The following PLCB4 variants were observed in gnomAD, a reference collection of about 807,000 sequenced individuals.
The protein encoded by PLCB4 is 1-phosphatidylinositol 4,5-bisphosphate phosphodiesterase beta-4.
In PLCB4, 77 loss-of-function variants were observed where a neutral mutation model predicts 178.8. The observed-to-expected ratio is 0.43, with a 90% confidence interval of 0.36 to 0.52. The LOEUF is 0.52. Among genes scored for constraint, PLCB4 ranks in the 20% least tolerant of loss-of-function variants. PLCB4 has a pLI of 0.00. For missense variants in PLCB4, 1,024 were observed against 1,453.4 expected, an observed-to-expected ratio of 0.70 and a Z score of 4.80; for synonymous variants, 496 against 490.8, an observed-to-expected ratio of 1.01 and a Z score of -0.14.
chr20:9,182,653 C>G (rs1759189998), intron 2 of PLCB4, among the ~76,000 whole-genome samples: 1 of 152,178 alleles, frequency 6.6e-6, no homozygotes, highest in African/African-American at 2.4e-5. Flanking sequence ...CCTGTTGTCT[C>G]TAGGAAATGA....
chr20:9,098,631 T>C (rs1008596284), intron 2 of PLCB4, among the ~76,000 whole-genome samples: 4 of 150,856 alleles, frequency 2.7e-5, no homozygotes, highest in African/African-American at 9.8e-5. Context: ...CATATATATA[T>C]ACACATATAT....
chr20:9,329,992 A>G (rs1223449305), intron 4 of PLCB4, among the ~76,000 whole-genome samples: 2 of 152,210 alleles, frequency 1.3e-5, no homozygotes, highest in Non-Finnish European at 2.9e-5. Flanking sequence ...TGAGGGCTTT[A>G]GTTTAACTTG....
intron 2 of PLCB4, among the ~76,000 whole-genome samples, chr20:9,122,657 G>A (rs1455083289): frequency 1.3e-5 from 2 of 152,138 alleles, no homozygotes; most frequent in African/African-American, 4.8e-5. Flanking sequence ...TTTGCTTGAT[G>A]CAGGCAGTTA....
intron 3 of PLCB4, among the ~76,000 whole-genome samples, chr20:9,242,426 A>G (rs1022435892): frequency 3.9e-5 from 6 of 152,254 alleles, no homozygotes; most frequent in African/African-American, 1.4e-4. Context: ...AAATGAAAAC[A>G]AAGGGATGGC....
At chr20:9,117,151 T>C (rs1257301630) in intron 2 of PLCB4, among the ~76,000 whole-genome samples, 2 of 152,206 alleles carry the variant, frequency 1.3e-5, no homozygotes, top group African/African-American at 4.8e-5. Context: ...TGTAACTTAA[T>C]GACTATATAA....
intron 4 of PLCB4, among the ~76,000 whole-genome samples, chr20:9,321,952 CTTT>C (rs746419205): frequency 7.1e-6 from 1 of 140,078 alleles, no homozygotes. Context: ...TTTTCTTTTT[CTTT>C]TTTTTTTTTT....
intron 2 of PLCB4, among the ~76,000 whole-genome samples, chr20:9,165,031 A>G (rs1037230357): frequency 6.6e-6 from 1 of 152,176 alleles, no homozygotes; most frequent in Non-Finnish European, 1.5e-5. Context: ...TCTAGCCTGC[A>G]TCAGCATTTT....
At chr20:9,412,238 C>T (rs539291910) in intron 25 of PLCB4, among the ~76,000 whole-genome samples, 20 of 152,268 alleles carry the variant, frequency 1.3e-4, no homozygotes, top group Admixed American at 1.0e-3. Context: ...GGAGATTTTG[C>T]GCATAAATTG....
intron 1 of PLCB4, among the ~76,000 whole-genome samples, chr20:9,080,088 G>A (rs1054807413): frequency 2.0e-5 from 3 of 152,080 alleles, no homozygotes; most frequent in Non-Finnish European, 4.4e-5. Flanking sequence ...AGGAAATTAA[G>A]GTTATTAACA....
chr20:9,477,453 C>T (rs995817120), intron 39 of PLCB4, among the ~76,000 whole-genome samples: 3 of 152,136 alleles, frequency 2.0e-5, no homozygotes, highest in Admixed American at 1.3e-4. Context: ...CCTTCTACAC[C>T]GTGGTCAATA....
intron 2 of PLCB4, among the ~76,000 whole-genome samples, chr20:9,102,765 A>G (rs2091211371): frequency 1.3e-5 from 2 of 152,194 alleles, no homozygotes; most frequent in South Asian, 4.1e-4. Flanking sequence ...GCTTGAACAA[A>G]AATAAGACAT....
At chr20:9,328,289 A>G (rs1015261838) in intron 4 of PLCB4, among the ~76,000 whole-genome samples, 1 of 152,218 alleles carries the variant, frequency 6.6e-6, no homozygotes, top group Non-Finnish European at 1.5e-5. Context: ...CACAGTGTCC[A>G]TTAGATTGTA....
At chr20:9,430,882 C>T (rs1169492467) in intron 28 of PLCB4, among the ~76,000 whole-genome samples, 1 of 152,202 alleles carries the variant, frequency 6.6e-6, no homozygotes, top group Non-Finnish European at 1.5e-5. Context: ...AATGATAAAG[C>T]CTGCCTTGTA....
chr20:9,242,930 G>A (rs547347348), intron 3 of PLCB4, among the ~76,000 whole-genome samples: 1 of 152,088 alleles, frequency 6.6e-6, no homozygotes, highest in Admixed American at 6.6e-5. Flanking sequence ...GTGTGGTATT[G>A]ATGGGTTCAA....
intron 28 of PLCB4, among the ~76,000 whole-genome samples, chr20:9,428,954 C>T (rs1035942229): frequency 5.9e-5 from 9 of 152,222 alleles, no homozygotes; most frequent in African/African-American, 2.2e-4. Flanking sequence ...ATGCTTTCAA[C>T]TCTATATGAA....
At chr20:9,269,241 G>A (rs182475602) in intron 3 of PLCB4, among the ~76,000 whole-genome samples, 8 of 152,272 alleles carry the variant, frequency 5.3e-5, no homozygotes, top group African/African-American at 1.9e-4. Flanking sequence ...TAGGTTTTAT[G>A]TTCTGTCTTC....
chr20:9,313,779 C>T (rs2094865575), intron 4 of PLCB4, among the ~76,000 whole-genome samples: 1 of 152,206 alleles, frequency 6.6e-6, no homozygotes, highest in Non-Finnish European at 1.5e-5. Context: ...CGCTATACCA[C>T]CACCACCACT....
intron 4 of PLCB4, among the ~76,000 whole-genome samples, chr20:9,335,954 T>G (rs1390094155): frequency 6.6e-6 from 1 of 152,220 alleles, no homozygotes; most frequent in Non-Finnish European, 1.5e-5. Flanking sequence ...GATGGCCTAG[T>G]ATCTTGGCAT....
At chr20:9,293,317 G>T (rs954711089) in intron 3 of PLCB4, among the ~76,000 whole-genome samples, 31 of 133,374 alleles carry the variant, frequency 2.3e-4, no homozygotes, top group Admixed American at 9.9e-4. Flanking sequence ...CTCCAGCCTG[G>T]GTGACAGAGA....
Sources: allele counts gnomAD v4.1 joint callset (sites outside exome capture counted in the v4.1 genomes callset), GRCh38; gene constraint gnomAD v4.1.1; transcripts MANE v1.5; gene names NCBI Gene and HGNC (gene_info 2026-07-23, HGNC 2026-07-21).